Variants in THRB observed in about 807,000 individuals in gnomAD.
The protein encoded by THRB is nuclear receptor subfamily 1 group A member 2.
Under a neutral mutation model 47.8 loss-of-function variants are expected in THRB, and 12 were observed. That is an observed-to-expected ratio of 0.25 (90% CI 0.16 to 0.41). The LOEUF is 0.41. THRB is among the 10% of genes least tolerant of loss of function. The pLI is 1.00. For synonymous variants in THRB, 218 were observed against 212.2 expected (o/e 1.03, Z -0.24); for missense variants, 348 against 589.2 (o/e 0.59, Z 4.24).
chr3:24,366,200 G>A (rs1252732565), intron 1 of THRB, among the ~76,000 whole-genome samples: 1 of 152,250 alleles, frequency 6.6e-6, no homozygotes, highest in East Asian at 1.9e-4. Context: ...ATATGTCTAT[G>A]GTACTTATAG....
chr3:24,376,941 C>CT (rs143591163), intron 1 of THRB, among the ~76,000 whole-genome samples: 1 of 151,756 alleles, frequency 6.6e-6, no homozygotes, highest in African/African-American at 2.4e-5. Flanking sequence ...CTGTCTCATA[C>CT]TTTTTTTTCT....
rs1249974685 is a variant in THRB, at chr3:24,121,916, T to TATC, written c.*965_*967dup. On this transcript the variant is annotated 3_prime_UTR_variant, in exon 11 of 11. Coordinates refer to ENST00000646209, the MANE Select transcript of THRB (RefSeq NM_001354712.2). ...CCAGAAGAAGACTGAAGTTTCACCGTATCTTTCCTTGATTAGAATATTTGA... is the reference window on the plus strand; with the variant it reads ...CCAGAAGAAGACTGAAGTTTCACCGTATCATCTTTCCTTGATTAGAATATTTGA... The TATC allele has an allele frequency of 6.5e-6, 1 of 152,672 alleles. No individual in the cohort carries two copies. Among genetic ancestry groups the TATC allele is most frequent in the Admixed American group, 6.5e-5 (1 of 15,290 alleles). The allele number at this position is 152,672 out of a possible 1,614,324, so 9.5% of individuals were successfully genotyped here. A position where few individuals can be genotyped will look rare whatever the true frequency, so the allele number is the denominator to read the frequency against.
At chr3:24,444,534 A>G (rs2071872198) in intron 1 of THRB, among the ~76,000 whole-genome samples, 1 of 152,234 alleles carries the variant, frequency 6.6e-6, no homozygotes, top group Non-Finnish European at 1.5e-5. Context: ...AAATTATTGA[A>G]AATTGTGAAG....
intron 1 of THRB, among the ~76,000 whole-genome samples, chr3:24,421,946 G>A (rs890180798): frequency 1.4e-4 from 21 of 151,852 alleles, no homozygotes; most frequent in African/African-American, 3.1e-4. Flanking sequence ...GCTCCAAGGC[G>A]CATGCTAATC....
upstream of THRB, chr3:24,495,245 A>T (rs1167796936): frequency 6.8e-6 from 1 of 147,010 alleles, no homozygotes; most frequent in Non-Finnish European, 1.5e-5. Flanking sequence ...GGCCAAGAGC[A>T]GGCAAACCCG....
intron 3 of THRB, among the ~76,000 whole-genome samples, chr3:24,262,590 T>C (rs959949864): frequency 2.6e-5 from 4 of 152,210 alleles, no homozygotes; most frequent in African/African-American, 9.6e-5. Context: ...CTCAGGACTT[T>C]TGAATGTGAG....
chr3:24,125,293 G>GT (rs1441921473), intron 10 of THRB, among the ~76,000 whole-genome samples: 2 of 152,204 alleles, frequency 1.3e-5, no homozygotes, highest in Non-Finnish European at 2.9e-5. Context: ...AAAAAAGAAG[G>GT]TAAGTGTCAA....
At chr3:24,277,694 T>C in intron 3 of THRB, among the ~76,000 whole-genome samples, 1 of 152,226 alleles carries the variant, frequency 6.6e-6, no homozygotes, top group Non-Finnish European at 1.5e-5. Flanking sequence ...GGTTATTCAG[T>C]GAGTTCTAGA....
Position 24,250,251 on chromosome 3 carries a change from T to G in THRB, c.-42-21250A>C, listed in dbSNP as rs1190807229. ...CCTGTCACCAATTCCCTGTACCCCT[T>G]GAGAAGTCTCCAACTTTGAGATCTT... On this transcript the variant is annotated intron_variant, in intron 3 of 10. Coordinates refer to ENST00000646209, the MANE Select transcript of THRB (RefSeq NM_001354712.2). Among the ~76,000 whole-genome samples the G allele has an allele frequency of 2.0e-5, 3 of 152,202 alleles. No individual in the cohort carries two copies. In the East Asian group the frequency reaches 5.8e-4, roughly 29 times the overall value.
At chr3:24,137,297 G>A (rs2148936605) in intron 8 of THRB, among the ~76,000 whole-genome samples, 1 of 152,280 alleles carries the variant, frequency 6.6e-6, no homozygotes, top group South Asian at 2.1e-4. Flanking sequence ...AGGTACTGTG[G>A]GCCAGGCCTA....
rs1005047506 is a variant in THRB at position 24,127,434 on chromosome 3, T to C, written c.1144+65A>G. The C allele has an allele frequency of 5.1e-6, 8 of 1,565,922 alleles. No homozygotes were observed. In the Admixed American group the frequency reaches 6.7e-5, roughly 13 times the overall value. On this transcript the variant is annotated intron_variant, in intron 10 of 10. Coordinates refer to ENST00000646209, the MANE Select transcript of THRB (RefSeq NM_001354712.2). ...AAAGGGGGACTGAAAACTCAAGTGATTGGAATTAGCGCTAGACAAGCAAAA... is the reference window on the plus strand; with the variant it reads ...AAAGGGGGACTGAAAACTCAAGTGACTGGAATTAGCGCTAGACAAGCAAAA...
chr3:24,311,022 T>C (rs2057721107), intron 2 of THRB, among the ~76,000 whole-genome samples: 1 of 152,170 alleles, frequency 6.6e-6, no homozygotes, highest in South Asian at 2.1e-4. Flanking sequence ...CAGATATCTA[T>C]GGTCATCTTT....
At chr3:24,267,257 A>G (rs1420972042) in intron 3 of THRB, among the ~76,000 whole-genome samples, 8 of 152,138 alleles carry the variant, frequency 5.3e-5, no homozygotes, top group Admixed American at 2.0e-4. Flanking sequence ...TAGCAGTTAC[A>G]TAAGTGGGTA....
chr3:24,246,844 C>T (rs1440691338), intron 3 of THRB, among the ~76,000 whole-genome samples: 2 of 152,108 alleles, frequency 1.3e-5, no homozygotes, highest in Non-Finnish European at 2.9e-5. Context: ...AATTTTTGTA[C>T]ATGAAAAGGA....
intron 5 of THRB, among the ~76,000 whole-genome samples, chr3:24,183,895 ACAT>A (rs1287796400): frequency 1.5e-4 from 23 of 152,200 alleles, no homozygotes; most frequent in African/African-American, 4.8e-4. Flanking sequence ...AAATTTATGC[ACAT>A]CATTATTCAT....
At chr3:24,426,533 C>T (rs2069778323) in intron 1 of THRB, among the ~76,000 whole-genome samples, 1 of 151,816 alleles carries the variant, frequency 6.6e-6, no homozygotes, top group Non-Finnish European at 1.5e-5. Flanking sequence ...TTTTTGCTTC[C>T]ATCCTAGAAA....
chr3:24,180,195 A>C (rs1455429955), intron 5 of THRB, among the ~76,000 whole-genome samples: 5 of 152,222 alleles, frequency 3.3e-5, no homozygotes, highest in African/African-American at 1.2e-4. Context: ...TAGGCAAACA[A>C]AGAGCTGAAT....
chr3:24,415,702 T>C (rs1392621763), intron 1 of THRB, among the ~76,000 whole-genome samples: 1 of 151,862 alleles, frequency 6.6e-6, no homozygotes, highest in African/African-American at 2.4e-5. Flanking sequence ...ATAAAAATAA[T>C]TATTTATTTC....
At chr3:24,339,423 C>G (rs932511712) in intron 1 of THRB, among the ~76,000 whole-genome samples, 1 of 152,108 alleles carries the variant, frequency 6.6e-6, no homozygotes, top group African/African-American at 2.4e-5. Context: ...AAGAGTTAAG[C>G]ATTTTGCCCA....
Sources: gnomAD v4.1 joint callset for allele counts (sites outside exome capture counted in the v4.1 genomes callset) on GRCh38, gnomAD v4.1.1 for gene constraint, MANE v1.5 for transcripts, NCBI Gene and HGNC (gene_info 2026-07-23, HGNC 2026-07-21) for gene names.